Variants in SPAG16 observed in about 807,000 individuals in gnomAD.
The protein encoded by SPAG16 is sperm associated antigen 16, also known as sperm-associated antigen 16 protein.
A neutral mutation model predicts 80.4 loss-of-function variants in SPAG16; 86 were observed. The ratio of observed to expected loss-of-function variants is 1.07; its 90% CI spans 0.90 to 1.28. The LOEUF (loss-of-function observed/expected upper bound fraction) is 1.28, where lower values mean the gene tolerates loss of function less well. Ranked by LOEUF, SPAG16 falls within the 50% of genes most tolerant of loss-of-function variation. The pLI is 0.00. For missense variants in SPAG16, 870 were observed against 765.3 expected, an observed-to-expected ratio of 1.14 and a Z score of -1.61; for synonymous variants, 294 against 265.9, an observed-to-expected ratio of 1.11 and a Z score of -1.03.
intron 5 of SPAG16, among the ~76,000 whole-genome samples, chr2:213,323,067 T>TTAC (rs139555516): frequency 0.22 from 32,961 of 152,064 alleles, 4,390 homozygotes; most frequent in Non-Finnish European, 0.31. Flanking sequence ...ATGCTCAATG[T>TTAC]TACTAATTGT....
intron 13 of SPAG16, among the ~76,000 whole-genome samples, chr2:214,072,397 T>C (rs2050829548): frequency 6.6e-6 from 1 of 152,158 alleles, no homozygotes; most frequent in African/African-American, 2.4e-5. Context: ...CTGGCAGATA[T>C]GTTCTTATTA....
At chr2:213,685,576 G>A (rs1376425321) in intron 10 of SPAG16, among the ~76,000 whole-genome samples, 1 of 152,160 alleles carries the variant, frequency 6.6e-6, no homozygotes, top group East Asian at 1.9e-4. Flanking sequence ...CCCTAGGAAT[G>A]TAATACAGGG....
chr2:214,290,105 G>T (rs1693682572), intron 15 of SPAG16, among the ~76,000 whole-genome samples: 1 of 151,992 alleles, frequency 6.6e-6, no homozygotes, highest in Non-Finnish European at 1.5e-5. Context: ...CTCACAATTG[G>T]TATGTTCAGG....
Position 213,950,287 on chromosome 2 carries a change from G to T in SPAG16, c.1400+20142G>T, listed in dbSNP as rs139434050. 1.0e-3 allele frequency among the ~76,000 whole-genome samples: 157 copies of T among 152,016 alleles called. 1 individual carries two copies. Among genetic ancestry groups the T allele is most frequent in the African/African-American group, 3.6e-3 (150 of 41,460 alleles). On this transcript the variant is annotated intron_variant, in intron 12 of 15. Transcript: ENST00000331683. ...TCTTTATTTTTCTTTATTCTTCTAA[G>T]AATTAAGAAAAACGAGATTTGGAAA...
At chr2:213,310,265 CTCAGCCTATGAAAAATGACTAGAAACTTT>C (rs2063127296) in intron 4 of SPAG16, 88 bp downstream of exon 4, 1 of 847,768 alleles carries the variant, frequency 1.2e-6, no homozygotes, top group Admixed American at 2.9e-5. Flanking sequence ...TTTGAAATGA[CTCAGCCTATGAAAAATGACTAGAAACTTT>C]TCCCATCTCC....
chr2:214,008,659 C>T (rs1261405082), intron 12 of SPAG16, among the ~76,000 whole-genome samples: 2 of 151,798 alleles, frequency 1.3e-5, no homozygotes, highest in Admixed American at 1.3e-4. Flanking sequence ...GTAGGAGAAT[C>T]GCTTGAACCG....
chr2:214,407,753 A>C (rs1488628969), intron 15 of SPAG16, among the ~76,000 whole-genome samples: 2 of 152,144 alleles, frequency 1.3e-5, no homozygotes, highest in African/African-American at 4.8e-5. Flanking sequence ...TGGATACTAA[A>C]GTACTAATGT....
chr2:214,228,859 T>G (rs1168216555), intron 15 of SPAG16, among the ~76,000 whole-genome samples: 2 of 151,914 alleles, frequency 1.3e-5, no homozygotes, highest in African/African-American at 4.8e-5. Context: ...TATGATTAGC[T>G]TCTTCAAAGC....
intron 10 of SPAG16, among the ~76,000 whole-genome samples, chr2:213,736,166 G>A (rs1392245270): frequency 6.6e-6 from 1 of 152,084 alleles, no homozygotes; most frequent in Non-Finnish European, 1.5e-5. Flanking sequence ...TGTTTTCCAT[G>A]ATAACTCAAG....
rs553434215 is a variant in SPAG16, at chr2:214,122,671, A to G, written c.1593+14410A>G. Reference sequence around the variant, plus strand: ...GTATTTATGCACCAAAATTATTTCAATTTTGCTTACTTTTCCAGCAATCCA... The same window carrying G: ...GTATTTATGCACCAAAATTATTTCAGTTTTGCTTACTTTTCCAGCAATCCA... On this transcript the variant is annotated intron_variant, in intron 14 of 15. Coordinates refer to ENST00000331683, the MANE Select transcript of SPAG16 (RefSeq NM_024532.5). 1.3e-4 allele frequency among the ~76,000 whole-genome samples: 20 copies of G among 151,952 alleles called. 1 individual carries two copies. The highest frequency in any genetic ancestry group is 8.5e-4 in the Admixed American group (13 of 15,242).
At chr2:214,056,868 T>C (rs1051196779) in intron 13 of SPAG16, among the ~76,000 whole-genome samples, 2 of 152,204 alleles carry the variant, frequency 1.3e-5, no homozygotes, top group Non-Finnish European at 2.9e-5. Context: ...ATTTCAGCAA[T>C]GTTCACAGCA....
chr2:213,851,562 G>A lies in SPAG16; in HGVS notation c.1071-10923G>A, dbSNP rs187240507. On this transcript the variant is annotated intron_variant, in intron 10 of 15. Coordinates refer to ENST00000331683, the MANE Select transcript of SPAG16 (RefSeq NM_024532.5). ...AATGTTACAATGTTCTATAACATGG[G>A]TGAATTTTAATCGCAGTACCATTGA... 1.5e-3 allele frequency among the ~76,000 whole-genome samples: 231 copies of A among 152,290 alleles called. 2 individuals are homozygous for A. The highest frequency in any genetic ancestry group is 5.4e-3 in the African/African-American group (226 of 41,558).
intron 1 of SPAG16, chr2:213,285,913 T>C: frequency 7.8e-7 from 1 of 1,289,480 alleles, no homozygotes; most frequent in Non-Finnish European, 1.0e-6. Flanking sequence ...CCCTTGCTAC[T>C]GAATGGTAAC....
intron 13 of SPAG16, among the ~76,000 whole-genome samples, chr2:214,048,473 T>G (rs2125122388): frequency 6.6e-6 from 1 of 152,278 alleles, no homozygotes; most frequent in South Asian, 2.1e-4. Context: ...ACAAACTGCA[T>G]GTTCTCACTT....
At chr2:214,269,863 T>C (rs1691867611) in intron 15 of SPAG16, among the ~76,000 whole-genome samples, 1 of 152,144 alleles carries the variant, frequency 6.6e-6, no homozygotes, top group Admixed American at 6.6e-5. Context: ...GGGGGTCACC[T>C]TGTATCCTCT....
At chr2:214,317,824 A>G (rs183140369) in intron 15 of SPAG16, among the ~76,000 whole-genome samples, 7 of 152,220 alleles carry the variant, frequency 4.6e-5, no homozygotes, top group Admixed American at 2.6e-4. Flanking sequence ...TCCCCAGTAT[A>G]TTACAGCTCA....
intron 10 of SPAG16, among the ~76,000 whole-genome samples, chr2:213,847,858 AAATGAC>A (rs1412215891): frequency 1.8e-5 from 2 of 112,822 alleles, no homozygotes; most frequent in Non-Finnish European, 4.0e-5. Context: ...TAATATAAAC[AAATGAC>A]ACACACACAC....
intron 15 of SPAG16, among the ~76,000 whole-genome samples, chr2:214,250,655 A>G (rs964729325): frequency 3.6e-5 from 5 of 140,770 alleles, no homozygotes; most frequent in Admixed American, 1.5e-4. Flanking sequence ...ATTTCTATTT[A>G]TATATTATAT....
At chr2:213,419,539 A>G (rs1006333323) in intron 9 of SPAG16, among the ~76,000 whole-genome samples, 8 of 152,172 alleles carry the variant, frequency 5.3e-5, no homozygotes, top group Non-Finnish European at 1.0e-4. Flanking sequence ...ACCAGGCAAT[A>G]CATATATGAC....
Sources: gnomAD v4.1 joint callset for allele counts (sites outside exome capture counted in the v4.1 genomes callset) on GRCh38, gnomAD v4.1.1 for gene constraint, MANE v1.5 for transcripts, NCBI Gene and HGNC (gene_info 2026-07-23, HGNC 2026-07-21) for gene names.